The following CCNL1 variants were observed in gnomAD, a reference collection of about 807,000 sequenced individuals.
CCNL1 encodes cyclin-L1.
Under a neutral mutation model 60.6 loss-of-function variants are expected in CCNL1, and 13 were observed. The observed-to-expected ratio is 0.21, with a 90% CI of 0.14 to 0.34. The LOEUF (loss-of-function observed/expected upper bound fraction) is 0.34, where lower values mean the gene tolerates loss of function less well. Among genes scored for constraint, CCNL1 ranks in the 10% least tolerant of loss-of-function variants. The pLI is 1.00. For synonymous variants in CCNL1, 270 were observed against 244.3 expected, an observed-to-expected ratio of 1.10 and a Z score of -0.98; for missense variants, 481 against 664.3, an observed-to-expected ratio of 0.72 and a Z score of 3.03.
intron 8 of CCNL1, 68 bp downstream of exon 8, chr3:157,149,768 G>C (rs1044508723): frequency 6.4e-7 from 1 of 1,558,862 alleles, no homozygotes; most frequent in Non-Finnish European, 8.7e-7. Context: ...ACTTTCAAAT[G>C]TAAAAGCTCT....
At position 157,159,980 on chromosome 3, in the gene CCNL1, C is replaced by G; in HGVS notation, c.115G>C (p.Gly39Arg). The change falls in exon 1 of 11, where the codon GGG (glycine) becomes CGG (arginine). Residue 39 changes from glycine (G) to arginine (R), a missense_variant. Coordinates refer to ENST00000295926, the MANE Select transcript of CCNL1 (RefSeq NM_020307.4). ...TTTTTTTTTG[G>R]ILIGDRLYSE... ...TACAGGCGATCGCCGATCAGGATCC[C>G]TCCCGTCGTGGTCGTCGTCGTGGTC... 1 of 1,588,816 alleles carries G rather than the reference C, an allele frequency of 6.3e-7. No homozygotes were observed. The highest frequency in any genetic ancestry group is 8.6e-7 in the Non-Finnish European group (1 of 1,167,846).
chr3:157,158,417 A>G (rs569022473), intron 3 of CCNL1, among the ~76,000 whole-genome samples: 1 of 152,330 alleles, frequency 6.6e-6, no homozygotes, highest in South Asian at 2.1e-4. Context: ...GCCAACCTCA[A>G]TTGATAAAGA....
At chr3:157,149,417 C>T in intron 9 of CCNL1, 32 bp from the exon 10 acceptor site, 2 of 1,608,542 alleles carry the variant, frequency 1.2e-6, no homozygotes, top group East Asian at 2.2e-5. Context: ...TAGTTACAAA[C>T]TTAGTGTGTT....
chr3:157,153,331 ATACATC>A, intron 3 of CCNL1, 175 bp from the exon 4 acceptor site: 1 of 550,726 alleles, frequency 1.8e-6, no homozygotes, highest in Non-Finnish European at 3.1e-6. Context: ...AATTAAATAT[ATACATC>A]TACGAGACTA....
rs1737840174 is a variant in CCNL1 at position 157,147,704 on chromosome 3, G to A, written c.*537C>T. ...AATCTCAAACTACCATCTAATGGAG[G>A]AAAGAATAAGTTTGTCAGAAAACCA... On this transcript the variant is annotated 3_prime_UTR_variant, in exon 11 of 11. Transcript: ENST00000295926. The A allele has an allele frequency of 2.0e-6, 2 of 985,072 alleles. No individual in the cohort carries two copies. The highest frequency in any genetic ancestry group is 6.1e-5 in the Admixed American group (1 of 16,262). 61.0% of individuals were successfully genotyped at this position (985,072 alleles called of 1,614,324 possible). A position where few individuals can be genotyped will look rare whatever the true frequency, so the allele number is the denominator to read the frequency against.
chr3:157,151,695 A>G, intron 5 of CCNL1: 1 of 1,000,432 alleles, frequency 1.0e-6, no homozygotes. Context: ...AGTTACAAGT[A>G]TACATTAAAT....
At chr3:157,144,101 T>C (rs1737716295), downstream of CCNL1, among the ~76,000 whole-genome samples, 1 of 152,156 alleles carries the variant, frequency 6.6e-6, no homozygotes, top group African/African-American at 2.4e-5. Context: ...TAGACTGGGT[T>C]AGAATTATAT....
intron 3 of CCNL1, chr3:157,153,760 G>A (rs6776668): frequency 6.6e-6 from 1 of 152,122 alleles, no homozygotes. Flanking sequence ...AAGTTGGGGG[G>A]GGTGGGAACA....
downstream of CCNL1, among the ~76,000 whole-genome samples, chr3:157,145,473 G>A (rs1021125009): frequency 1.3e-4 from 16 of 118,794 alleles, no homozygotes; most frequent in Non-Finnish European, 5.4e-5. Flanking sequence ...AACCAAAACG[G>A]GATTTAATTT....
Position 157,159,800 on chromosome 3 carries a change from G to T in CCNL1, c.295C>A (p.Leu99Met), listed in dbSNP as rs1182115187. 20 of 1,536,208 alleles carry T rather than the reference G, an allele frequency of 1.3e-5. No individual in the cohort carries two copies. Among genetic ancestry groups the T allele is most frequent in the Non-Finnish European group, 1.8e-5 (20 of 1,135,212 alleles). Reference sequence around the variant, plus strand: ...GGGGCCGGAGCACTGACCTGCGGCAGCCGGAGGAGAATGCCGGCGGCCTGG... The same window carrying T: ...GGGGCCGGAGCACTGACCTGCGGCATCCGGAGGAGAATGCCGGCGGCCTGG... ...LIQAAGILLR[L>M]PQVAMATGQV... The change falls in exon 1 of 11, where the codon CTG becomes ATG. Residue 99 changes from leucine (L) to methionine (M), a missense_variant. Physicochemically the swap from Leu to Met is conservative, Grantham distance 15 (BLOSUM62 2). Coordinates refer to ENST00000295926, the MANE Select transcript of CCNL1 (RefSeq NM_020307.4).
chr3:157,156,871 A>G, intron 3 of CCNL1: 1 of 1,229,280 alleles, frequency 8.1e-7, no homozygotes. Flanking sequence ...AATAACTTGG[A>G]CAGCAAAGAC....
rs762891755 is a variant in CCNL1 at position 157,160,045 on chromosome 3, G to A, written c.50C>T (p.Ser17Leu). 2.6e-6 allele frequency: 4 copies of A among 1,564,034 alleles called. No homozygotes were observed. The highest frequency in any genetic ancestry group is 1.2e-5 in the South Asian group (1 of 85,234). ...STATAAAAAS[S>L]AAPSAGGSSS... ...GGAGCCGCCCGCGCTTGGGGCGGCCGATGAGGCGGCTGCGGCAGCAGTAGC... is the reference window on the plus strand; with the variant it reads ...GGAGCCGCCCGCGCTTGGGGCGGCCAATGAGGCGGCTGCGGCAGCAGTAGC... The change falls in exon 1 of 11, where the codon TCG (serine) becomes TTG (leucine). Residue 17 changes from serine to leucine, a missense_variant. Coordinates refer to ENST00000295926, the MANE Select transcript of CCNL1 (RefSeq NM_020307.4).
chr3:157,152,080 C>G, intron 5 of CCNL1, 97 bp downstream of exon 5: 4 of 1,540,468 alleles, frequency 2.6e-6, no homozygotes, highest in Non-Finnish European at 3.5e-6. Context: ...AAGCCCCAAA[C>G]AAACTTATCT....
intron 3 of CCNL1, 139 bp downstream of exon 3, chr3:157,158,727 A>G (rs1281759910): frequency 8.7e-6 from 5 of 572,382 alleles, no homozygotes; most frequent in Non-Finnish European, 9.3e-6. Context: ...CAGTGTTCCT[A>G]TATGAACTTT....
chr3:157,147,475 A>G, downstream of CCNL1: 1 of 573,066 alleles, frequency 1.7e-6, no homozygotes, highest in Non-Finnish European at 2.2e-6. Flanking sequence ...GGTTCATTCA[A>G]TAGGGTACCT....
chr3:157,148,934 T>C (rs574355385), intron 10 of CCNL1: 18 of 334,450 alleles, frequency 5.4e-5, no homozygotes, highest in African/African-American at 3.0e-4. Context: ...GAAGATTCAT[T>C]GACTGGTTAA....
At chr3:157,157,257 G>C (rs1225887823) in intron 3 of CCNL1, among the ~76,000 whole-genome samples, 2 of 152,080 alleles carry the variant, frequency 1.3e-5, no homozygotes, top group Non-Finnish European at 2.9e-5. Context: ...TTCTAAGATT[G>C]AAACAAAATC....
chr3:157,153,359 G>A (rs1019142059), intron 3 of CCNL1: 30 of 448,608 alleles, frequency 6.7e-5, no homozygotes, highest in Middle Eastern at 5.9e-4. Flanking sequence ...GTTCCTAAAG[G>A]AACTAACAAT....
chr3:157,147,371 G>A (rs1435449865), downstream of CCNL1, among the ~76,000 whole-genome samples: 2 of 152,202 alleles, frequency 1.3e-5, no homozygotes, highest in Admixed American at 1.3e-4. Flanking sequence ...CTCAAGTTCA[G>A]GGGCCTCACA....
Sources: gnomAD v4.1 joint callset for allele counts (sites outside exome capture counted in the v4.1 genomes callset) on GRCh38, gnomAD v4.1.1 for gene constraint, MANE v1.5 for transcripts, NCBI Gene and HGNC (gene_info 2026-07-23, HGNC 2026-07-21) for gene names.